The following CUX1 variants were observed in gnomAD, a reference collection of about 807,000 sequenced individuals.
CUX1 encodes the protein cut like homeobox 1.
Under a neutral mutation model 158.8 loss-of-function variants are expected in CUX1, and 31 were observed. That is an observed-to-expected ratio of 0.20 (90% CI 0.15 to 0.26). The LOEUF is 0.26. Ranked by LOEUF, CUX1 falls within the 10% of genes least tolerant of loss-of-function variation. The probability of loss-of-function intolerance (pLI) is 1.00; values close to 1 mark genes in which losing one functional copy is unlikely to be tolerated. For synonymous variants in CUX1, 879 were observed against 862.1 expected, an observed-to-expected ratio of 1.02 and a Z score of -0.34; for missense variants, 1,589 against 2,014.6, an observed-to-expected ratio of 0.79 and a Z score of 4.04.
chr7:102,127,562 GT>G (rs1313278731), intron 8 of CUX1, among the ~76,000 whole-genome samples: 2 of 133,632 alleles, frequency 1.5e-5, no homozygotes, highest in African/African-American at 5.7e-5. Flanking sequence ...GATTTCTAGG[GT>G]TTGTTTTTTG....
chr7:102,021,968 C>T (rs1187855918), intron 2 of CUX1, among the ~76,000 whole-genome samples: 1 of 152,174 alleles, frequency 6.6e-6, no homozygotes, highest in Non-Finnish European at 1.5e-5. Context: ...GTGAGCCTCT[C>T]GCTCCTGCAG....
chr7:101,826,762 C>T (rs1198185745), intron 1 of CUX1, among the ~76,000 whole-genome samples: 1 of 152,056 alleles, frequency 6.6e-6, no homozygotes, highest in Non-Finnish European at 1.5e-5. Context: ...TCCAGCAGAA[C>T]AGTCGTGGGG....
intron 21 of CUX1, among the ~76,000 whole-genome samples, chr7:102,233,183 CTTTT>C (rs781940562): frequency 8.5e-6 from 1 of 117,232 alleles, no homozygotes; most frequent in Non-Finnish European, 1.7e-5. Context: ...TTTTTTTTTC[CTTTT>C]TTTTTTTTTT....
chr7:102,056,555 A>G (rs1225246123), intron 3 of CUX1, among the ~76,000 whole-genome samples: 1 of 152,200 alleles, frequency 6.6e-6, no homozygotes, highest in African/African-American at 2.4e-5. Flanking sequence ...GTTGAGACCT[A>G]CTGCCCAGAA....
At chr7:102,001,726 C>T (rs965557686) in intron 2 of CUX1, among the ~76,000 whole-genome samples, 7 of 152,168 alleles carry the variant, frequency 4.6e-5, no homozygotes, top group Non-Finnish European at 8.8e-5. Flanking sequence ...TCAGGATGTT[C>T]CTCCTGGCCA....
chr7:101,896,045 C>G (rs1562975433), intron 1 of CUX1, among the ~76,000 whole-genome samples: 1 of 151,624 alleles, frequency 6.6e-6, no homozygotes, highest in Admixed American at 6.6e-5. Flanking sequence ...CACCACTGCA[C>G]TTGGCGTATT....
intron 2 of CUX1, among the ~76,000 whole-genome samples, chr7:102,016,929 C>G (rs966859216): frequency 2.0e-5 from 3 of 152,220 alleles, no homozygotes; most frequent in Admixed American, 6.5e-5. Flanking sequence ...TGGTTGGTTT[C>G]AGAGAGTCCT....
intron 8 of CUX1, chr7:102,154,485 G>C (rs1415030499): frequency 6.6e-6 from 1 of 151,678 alleles, no homozygotes; most frequent in Non-Finnish European, 1.5e-5. Context: ...GCTAGGCATG[G>C]TGACATGCGC....
At chr7:102,018,904 G>A (rs1051650409) in intron 2 of CUX1, among the ~76,000 whole-genome samples, 20 of 152,116 alleles carry the variant, frequency 1.3e-4, no homozygotes, top group African/African-American at 4.6e-4. Context: ...TACACTTGCG[G>A]GAGAAGGCGA....
At chr7:101,918,001 T>C (rs2129089408) in intron 2 of CUX1, among the ~76,000 whole-genome samples, 1 of 152,196 alleles carries the variant, frequency 6.6e-6, no homozygotes, top group East Asian at 1.9e-4. Context: ...AAGAAAACGT[T>C]TTGTGGTTAA....
At chr7:101,850,424 T>TC (rs201654976) in intron 1 of CUX1, among the ~76,000 whole-genome samples, 6 of 142,022 alleles carry the variant, frequency 4.2e-5, no homozygotes, top group African/African-American at 1.3e-4. Context: ...TTTCTTTCTT[T>TC]TTTTTTTTTT....
chr7:101,963,937 C>T (rs1449766761), intron 2 of CUX1, among the ~76,000 whole-genome samples: 67 of 151,782 alleles, frequency 4.4e-4, no homozygotes, highest in Admixed American at 4.4e-3. Context: ...CAGGCATGAG[C>T]CACTGTGCCT....
At chr7:102,282,581 C>CT in intron 21 of CUX1, 8 of 877,384 alleles carry the variant, frequency 9.1e-6, no homozygotes, top group Non-Finnish European at 1.2e-5. Flanking sequence ...AGGAACATGT[C>CT]TAAGACCCAC....
At chr7:101,856,714 T>C (rs1292331462) in intron 1 of CUX1, among the ~76,000 whole-genome samples, 1 of 152,234 alleles carries the variant, frequency 6.6e-6, no homozygotes, top group African/African-American at 2.4e-5. Context: ...ACGCTGTTTT[T>C]TTCTACGCAG....
intron 8 of CUX1, among the ~76,000 whole-genome samples, chr7:102,135,579 G>T (rs572261519): frequency 2.8e-4 from 43 of 151,620 alleles, no homozygotes; most frequent in African/African-American, 1.0e-3. Flanking sequence ...GTTTGTGTGT[G>T]TGTGTGTGTA....
At chr7:102,115,961 G>A (rs1831394027) in intron 8 of CUX1, among the ~76,000 whole-genome samples, 1 of 152,190 alleles carries the variant, frequency 6.6e-6, no homozygotes, top group Admixed American at 6.5e-5. Flanking sequence ...GCTAGAGTTT[G>A]AACCACTTTT....
intron 11 of CUX1, among the ~76,000 whole-genome samples, chr7:102,180,300 G>T (rs1238440814): frequency 1.3e-5 from 2 of 151,210 alleles, no homozygotes; most frequent in African/African-American, 4.9e-5. Context: ...GGGATTACAG[G>T]CGTGAGCCAC....
At position 101,868,590 on chromosome 7, in the gene CUX1, A is replaced by G. The variant is rs548578565; in HGVS notation, c.31-47525A>G. Among the ~76,000 whole-genome samples the G allele has an allele frequency of 4.1e-4, 63 of 152,336 alleles. 1 individual carries two copies. The highest frequency in any genetic ancestry group is 1.5e-3 in the African/African-American group (62 of 41,580). On this transcript the variant is annotated intron_variant, in intron 1 of 23. Coordinates refer to ENST00000292535, the MANE Select transcript of CUX1 (RefSeq NM_181552.4). ...ACAGCCAGCCCTGTGCCCTGTGTCC[A>G]CTGCAAACCTGATCCTGTTTTTTGG...
chr7:102,252,061 A>G lies in CUX1; in HGVS notation c.*3019A>G. ...TTGCCAGACTTACATCTGGTGCCAG[A>G]TACAATCAGTTGGTTAAATTTTGCT... On this transcript the variant is annotated 3_prime_UTR_variant, in exon 24 of 24. Coordinates refer to ENST00000292535, the MANE Select transcript of CUX1 (RefSeq NM_181552.4). 1.0e-6 allele frequency: 1 copy of G among 985,370 alleles called. No individual in the cohort carries two copies. The highest frequency in any genetic ancestry group is 1.1e-4 in the East Asian group (1 of 8,820). 61.0% of individuals were successfully genotyped at this position (985,370 alleles called of 1,614,324 possible).
Sources: allele counts gnomAD v4.1 joint callset (sites outside exome capture counted in the v4.1 genomes callset), GRCh38; gene constraint gnomAD v4.1.1; transcripts MANE v1.5; gene names NCBI Gene and HGNC (gene_info 2026-07-23, HGNC 2026-07-21).